Variants in PLCB4 observed in about 807,000 individuals in gnomAD.
The protein encoded by PLCB4 is 1-phosphatidylinositol 4,5-bisphosphate phosphodiesterase beta-4.
A neutral mutation model predicts 178.8 loss-of-function variants in PLCB4; 77 were observed. The ratio of observed to expected loss-of-function variants is 0.43; its 90% CI spans 0.36 to 0.52. PLCB4 has a LOEUF of 0.52. Ranked by LOEUF, PLCB4 falls within the 20% of genes least tolerant of loss-of-function variation. PLCB4 has a pLI of 0.00. For missense variants in PLCB4, 1,024 were observed against 1,453.4 expected (o/e 0.70, Z 4.80); for synonymous variants, 496 against 490.8 (o/e 1.01, Z -0.14).
intron 25 of PLCB4, among the ~76,000 whole-genome samples, chr20:9,416,737 G>A (rs2040276038): frequency 6.6e-6 from 1 of 152,168 alleles, no homozygotes; most frequent in Admixed American, 6.5e-5. Context: ...ATTGTGGGTT[G>A]CATTCTCTTG....
At chr20:9,106,856 T>C (rs2091383457) in intron 2 of PLCB4, among the ~76,000 whole-genome samples, 2 of 152,178 alleles carry the variant, frequency 1.3e-5, no homozygotes, top group Non-Finnish European at 2.9e-5. Context: ...AGATTATTTA[T>C]CCTAACATCT....
intron 2 of PLCB4, among the ~76,000 whole-genome samples, chr20:9,180,740 AG>A (rs2093232515): frequency 6.6e-6 from 1 of 152,144 alleles, no homozygotes; most frequent in Non-Finnish European, 1.5e-5. Flanking sequence ...CACCCATTCA[AG>A]GACTTTCAGG....
At chr20:9,173,253 G>C (rs894599079) in intron 2 of PLCB4, among the ~76,000 whole-genome samples, 1 of 152,178 alleles carries the variant, frequency 6.6e-6, no homozygotes, top group African/African-American at 2.4e-5. Context: ...AGAAAATAAA[G>C]AGCAGTAGTC....
intron 3 of PLCB4, among the ~76,000 whole-genome samples, chr20:9,270,625 G>T (rs78180785): frequency 0.012 from 1,781 of 152,046 alleles, 44 homozygotes; most frequent in African/African-American, 0.041. Flanking sequence ...AAAATAACAT[G>T]GATATTATGA....
chr20:9,311,272 T>C (rs1057017237), intron 4 of PLCB4, among the ~76,000 whole-genome samples: 1 of 152,178 alleles, frequency 6.6e-6, no homozygotes, highest in Admixed American at 6.5e-5. Flanking sequence ...CCATTCAGTT[T>C]CCAGGACTGT....
chr20:9,432,350 C>T (rs186467758), intron 28 of PLCB4, among the ~76,000 whole-genome samples: 16 of 152,192 alleles, frequency 1.1e-4, no homozygotes, highest in African/African-American at 3.4e-4. Context: ...GAAAAGACTA[C>T]CAGTTACTCC....
intron 2 of PLCB4, among the ~76,000 whole-genome samples, chr20:9,170,240 C>A (rs2093041456): frequency 6.6e-6 from 1 of 152,178 alleles, no homozygotes; most frequent in African/African-American, 2.4e-5. Flanking sequence ...AGTTTTATTT[C>A]ATGCAAGTTA....
rs1378822963 is a variant in PLCB4, at chr20:9,449,246, G to A, written c.2881-4101G>A. 2.0e-5 allele frequency among the ~76,000 whole-genome samples: 3 copies of A among 152,164 alleles called. No individual in the cohort carries two copies. In the East Asian group the frequency reaches 5.8e-4, roughly 29 times the overall value. On this transcript the variant is annotated intron_variant, in intron 32 of 39. Transcript: ENST00000378473. ...TGCAGTTACTTTCATTAAGAGACAG[G>A]CATGCTTTTCAATTGTCCAATGAGG...
intron 1 of PLCB4, among the ~76,000 whole-genome samples, chr20:9,087,873 G>A (rs2090504543): frequency 6.6e-6 from 1 of 152,212 alleles, no homozygotes; most frequent in Non-Finnish European, 1.5e-5. Context: ...TCACTGGAGT[G>A]TCTCTGTGTC....
At chr20:9,168,037 G>C (rs2093001096) in intron 2 of PLCB4, among the ~76,000 whole-genome samples, 1 of 152,202 alleles carries the variant, frequency 6.6e-6, no homozygotes, top group South Asian at 2.1e-4. Flanking sequence ...CTGAAGCAGG[G>C]ACAGTGGCCT....
At chr20:9,305,026 A>G (rs986731142) in intron 3 of PLCB4, among the ~76,000 whole-genome samples, 11 of 133,892 alleles carry the variant, frequency 8.2e-5, no homozygotes, top group African/African-American at 3.0e-4. Context: ...TCCAAATGCT[A>G]TCCCGCCCCC....
chr20:9,231,633 CAG>C (rs2093933927), intron 3 of PLCB4, among the ~76,000 whole-genome samples: 1 of 152,056 alleles, frequency 6.6e-6, no homozygotes, highest in Non-Finnish European at 1.5e-5. Flanking sequence ...TTTTATAGGG[CAG>C]AGAGAGGAAA....
chr20:9,150,628 A>T (rs1430895893), intron 2 of PLCB4, among the ~76,000 whole-genome samples: 1 of 152,054 alleles, frequency 6.6e-6, no homozygotes, highest in Non-Finnish European at 1.5e-5. Flanking sequence ...GGATGACTCT[A>T]AGGTGCTGAG....
At chr20:9,462,582 G>C (rs544524885) in intron 35 of PLCB4, among the ~76,000 whole-genome samples, 1 of 152,062 alleles carries the variant, frequency 6.6e-6, no homozygotes, top group Non-Finnish European at 1.5e-5. Flanking sequence ...ATGACCTGAC[G>C]GAGCTGAAAA....
rs573551835 is a variant in PLCB4, at chr20:9,324,368, G to C, written c.85-12758G>C. Among the ~76,000 whole-genome samples the C allele has an allele frequency of 1.1e-3, 174 of 152,198 alleles. 1 individual carries two copies. The highest frequency in any genetic ancestry group is 3.7e-3 in the African/African-American group (154 of 41,518). On this transcript the variant is annotated intron_variant, in intron 4 of 39. Coordinates refer to ENST00000378473, the MANE Select transcript of PLCB4 (RefSeq NM_001377142.1). ...TTGAACTCGGGAGGCAGAGGTTGCA[G>C]TGAGCCCAGATCATGCCACAGCACT...
chr20:9,414,039 A>G (rs2040068007), intron 25 of PLCB4, among the ~76,000 whole-genome samples: 1 of 152,218 alleles, frequency 6.6e-6, no homozygotes, highest in African/African-American at 2.4e-5. Flanking sequence ...GGCATGAGCT[A>G]CTATGCCTGA....
intron 17 of PLCB4, 110 bp from the exon 18 acceptor site, chr20:9,393,478 G>T (rs888981997): frequency 3.0e-6 from 2 of 662,822 alleles, no homozygotes; most frequent in African/African-American, 1.8e-5. Flanking sequence ...CTGCCATCTA[G>T]TGGGTGTTGG....
chr20:9,475,324 A>C (rs1023175266), intron 38 of PLCB4, among the ~76,000 whole-genome samples: 1 of 152,234 alleles, frequency 6.6e-6, no homozygotes, highest in Non-Finnish European at 1.5e-5. Context: ...GCCGAAGTAC[A>C]TAATTTTTAA....
intron 3 of PLCB4, among the ~76,000 whole-genome samples, chr20:9,247,860 A>C (rs960350702): frequency 1.3e-5 from 2 of 152,220 alleles, no homozygotes; most frequent in African/African-American, 4.8e-5. Flanking sequence ...GGAAACATTT[A>C]ATGCAGCCTC....
Sources: gnomAD v4.1 joint callset for allele counts (sites outside exome capture counted in the v4.1 genomes callset) on GRCh38, gnomAD v4.1.1 for gene constraint, MANE v1.5 for transcripts, NCBI Gene and HGNC (gene_info 2026-07-23, HGNC 2026-07-21) for gene names.